The following SHISA9 variants were observed in gnomAD, a reference collection of about 807,000 sequenced individuals.
SHISA9 encodes protein shisa-9.
SHISA9 carries 13 observed loss-of-function variants against 38.0 expected under a neutral mutation model. That is an observed-to-expected ratio of 0.34 (90% confidence interval 0.22 to 0.54). The LOEUF (loss-of-function observed/expected upper bound fraction) is 0.54. Ranked by LOEUF, SHISA9 falls within the 20% of genes least tolerant of loss-of-function variation. The pLI, the probability that SHISA9 is intolerant of heterozygous loss-of-function variation, is 0.91. For missense variants in SHISA9, 538 were observed against 575.8 expected (o/e 0.93, Z 0.67); for synonymous variants, 275 against 242.0 (o/e 1.14, Z -1.27).
At chr16:13,526,547 C>A in the SHISA9 span, among the ~76,000 whole-genome samples, 1 of 152,038 alleles carries the variant, frequency 6.6e-6, no homozygotes, top group Non-Finnish European at 1.5e-5. Context: ...CCACACCTGG[C>A]TAATTTTTGT....
At chr16:12,963,070 A>G (rs902879564) in intron 2 of SHISA9, among the ~76,000 whole-genome samples, 1 of 152,106 alleles carries the variant, frequency 6.6e-6, no homozygotes, top group South Asian at 2.1e-4. Flanking sequence ...CCACACAATC[A>G]CACCCCTTTC....
At chr16:13,411,918 A>G in the SHISA9 span, among the ~76,000 whole-genome samples, 3 of 151,640 alleles carry the variant, frequency 2.0e-5, no homozygotes, top group Admixed American at 6.6e-5. Flanking sequence ...AGCATCCAAA[A>G]CTCTTAGCAC....
chr16:13,522,297 GC>G, the SHISA9 span, among the ~76,000 whole-genome samples: 1 of 152,224 alleles, frequency 6.6e-6, no homozygotes, highest in Non-Finnish European at 1.5e-5. Context: ...TAAGCTGGAA[GC>G]CTGTTGGGAG....
At chr16:13,368,591 C>T in the SHISA9 span, among the ~76,000 whole-genome samples, 10 of 151,964 alleles carry the variant, frequency 6.6e-5, no homozygotes, top group East Asian at 1.9e-4. Flanking sequence ...CTTTAAAAGA[C>T]GTATCCAGCT....
chr16:13,514,712 C>T, the SHISA9 span, among the ~76,000 whole-genome samples: 3 of 152,152 alleles, frequency 2.0e-5, no homozygotes, highest in Non-Finnish European at 4.4e-5. Flanking sequence ...TGGCCTAATA[C>T]ATGTGTGATT....
the SHISA9 span, among the ~76,000 whole-genome samples, chr16:13,468,717 C>A: frequency 6.6e-6 from 1 of 152,164 alleles, no homozygotes; most frequent in African/African-American, 2.4e-5. Flanking sequence ...TGACTCACAT[C>A]TGCAATCCCA....
At chr16:13,211,788 A>T (rs1360878832) in intron 3 of SHISA9, among the ~76,000 whole-genome samples, 1 of 152,250 alleles carries the variant, frequency 6.6e-6, no homozygotes, top group African/African-American at 2.4e-5. Context: ...CCTTCAAGGC[A>T]AACAGCAATG....
chr16:13,531,770 G>A, the SHISA9 span, among the ~76,000 whole-genome samples: 1 of 152,154 alleles, frequency 6.6e-6, no homozygotes, highest in African/African-American at 2.4e-5. Context: ...AAATGGTGGG[G>A]CGGTGTGGGG....
the SHISA9 span, among the ~76,000 whole-genome samples, chr16:13,481,825 T>A: frequency 6.6e-6 from 1 of 152,200 alleles, no homozygotes; most frequent in East Asian, 1.9e-4. Flanking sequence ...TCCCCCAAAT[T>A]TCTATGAAAT....
At chr16:13,212,724 C>G (rs971660920) in intron 3 of SHISA9, among the ~76,000 whole-genome samples, 1 of 152,158 alleles carries the variant, frequency 6.6e-6, no homozygotes. Context: ...GGTAAGGTAG[C>G]CCCCACCCCA....
At chr16:13,480,575 C>A in the SHISA9 span, among the ~76,000 whole-genome samples, 2 of 152,130 alleles carry the variant, frequency 1.3e-5, no homozygotes, top group Non-Finnish European at 2.9e-5. Context: ...CTCTGCTATT[C>A]CCTGATGACA....
intron 2 of SHISA9, among the ~76,000 whole-genome samples, chr16:13,044,964 C>T (rs1419520917): frequency 3.3e-5 from 5 of 152,208 alleles, no homozygotes; most frequent in Admixed American, 3.3e-4. Flanking sequence ...CAGCTTGGTG[C>T]AGATGTTAAC....
intron 2 of SHISA9, among the ~76,000 whole-genome samples, chr16:13,117,399 G>A (rs2074040838): frequency 6.6e-6 from 1 of 152,162 alleles, no homozygotes; most frequent in Non-Finnish European, 1.5e-5. Flanking sequence ...AGAGTGGGCC[G>A]AATGGTGACC....
At chr16:13,010,838 G>A (rs2141852032) in intron 2 of SHISA9, among the ~76,000 whole-genome samples, 1 of 152,312 alleles carries the variant, frequency 6.6e-6, no homozygotes, top group Admixed American at 6.5e-5. Flanking sequence ...TGTAATCGCA[G>A]CTACTTGGGA....
the SHISA9 span, among the ~76,000 whole-genome samples, chr16:13,320,292 C>CAAAAAAAAAAAAAAAAAA: frequency 2.6e-5 from 1 of 38,978 alleles, no homozygotes; most frequent in African/African-American, 5.9e-5. Flanking sequence ...GACTCTGTCT[C>CAAAAAAAAAAAAAAAAAA]AAAAAAAAAA....
intron 2 of SHISA9, among the ~76,000 whole-genome samples, chr16:13,039,589 T>C (rs1160845454): frequency 6.6e-6 from 1 of 151,540 alleles, no homozygotes; most frequent in Non-Finnish European, 1.5e-5. Flanking sequence ...TAAGCCCTTA[T>C]TACATTACCC....
the SHISA9 span, among the ~76,000 whole-genome samples, chr16:13,514,064 G>A: frequency 2.6e-5 from 4 of 152,076 alleles, no homozygotes; most frequent in South Asian, 2.1e-4. Context: ...GCATGATCTC[G>A]GCTCACTGCA....
At chr16:13,148,647 C>T (rs1360316336) in intron 2 of SHISA9, among the ~76,000 whole-genome samples, 6 of 150,868 alleles carry the variant, frequency 4.0e-5, no homozygotes, top group Non-Finnish European at 5.9e-5. Context: ...TTCTCATTCA[C>T]ACACCCACTC....
chr16:12,931,401 C>T (rs1172443943), intron 2 of SHISA9, among the ~76,000 whole-genome samples: 1 of 152,084 alleles, frequency 6.6e-6, no homozygotes, highest in Admixed American at 6.6e-5. Flanking sequence ...AGCATAGTGC[C>T]CAGTAGATAG....
Sources: gnomAD v4.1 joint callset for allele counts (sites outside exome capture counted in the v4.1 genomes callset) on GRCh38, gnomAD v4.1.1 for gene constraint, MANE v1.5 for transcripts, NCBI Gene and HGNC (gene_info 2026-07-23, HGNC 2026-07-21) for gene names.